CA10: variants seen among roughly 807,000 people sequenced by gnomAD.
CA10 encodes the protein carbonic anhydrase-related protein 10.
CA10 carries 14 observed loss-of-function variants against 44.2 expected under a neutral mutation model. That is an observed-to-expected ratio of 0.32 (90% confidence interval 0.21 to 0.50). The LOEUF is 0.50. CA10 is among the 20% of genes least tolerant of loss of function. The pLI, the probability that CA10 is intolerant of heterozygous loss-of-function variation, is 0.99. For synonymous variants in CA10, 159 were observed against 141.6 expected (o/e 1.12, Z -0.87); for missense variants, 350 against 409.7 (o/e 0.85, Z 1.26).
At chr17:51,706,599 A>G (rs1915770027) in intron 4 of CA10, among the ~76,000 whole-genome samples, 2 of 152,188 alleles carry the variant, frequency 1.3e-5, no homozygotes, top group South Asian at 4.1e-4. Flanking sequence ...ACAGCCAGAA[A>G]AAACCTGCTA....
intron 1 of CA10, among the ~76,000 whole-genome samples, chr17:52,148,949 T>C (rs1989646753): frequency 2.0e-5 from 3 of 152,328 alleles, no homozygotes; most frequent in South Asian, 4.1e-4. Context: ...TATATATTAC[T>C]TTATTGTTTA....
intron 2 of CA10, among the ~76,000 whole-genome samples, chr17:51,986,370 A>T (rs1236908040): frequency 6.6e-6 from 1 of 152,156 alleles, no homozygotes; most frequent in East Asian, 1.9e-4. Context: ...TGGATTAAGG[A>T]CTTAAATCTA....
At chr17:51,752,013 T>G (rs1252615768) in intron 3 of CA10, among the ~76,000 whole-genome samples, 1 of 152,118 alleles carries the variant, frequency 6.6e-6, no homozygotes, top group East Asian at 1.9e-4. Context: ...GAGACCTGAA[T>G]GGGGGCACAA....
intron 3 of CA10, among the ~76,000 whole-genome samples, chr17:51,832,884 G>C (rs1386695883): frequency 1.3e-5 from 2 of 152,176 alleles, no homozygotes; most frequent in Non-Finnish European, 2.9e-5. Flanking sequence ...CCTATCACTG[G>C]AGGTAATCAA....
chr17:51,831,667 A>ACAGC (rs1413563405), intron 3 of CA10, among the ~76,000 whole-genome samples: 29 of 127,488 alleles, frequency 2.3e-4, no homozygotes, highest in Non-Finnish European at 3.8e-4. Context: ...AGAAAAGAAA[A>ACAGC]AGCAGCAGCA....
intron 4 of CA10, among the ~76,000 whole-genome samples, chr17:51,677,382 C>T (rs913798218): frequency 6.6e-6 from 1 of 152,038 alleles, no homozygotes; most frequent in Non-Finnish European, 1.5e-5. Context: ...TACCTCCTCC[C>T]TTGTGCTCTT....
intron 4 of CA10, among the ~76,000 whole-genome samples, chr17:51,658,579 C>G (rs1913886220): frequency 6.6e-6 from 1 of 152,042 alleles, no homozygotes; most frequent in Non-Finnish European, 1.5e-5. Context: ...ATGCAAAGAG[C>G]CTGAGATAGG....
intron 3 of CA10, among the ~76,000 whole-genome samples, chr17:51,749,973 A>G (rs974964238): frequency 2.0e-5 from 3 of 152,190 alleles, no homozygotes; most frequent in African/African-American, 4.8e-5. Context: ...TTGCAACCAA[A>G]TGATCCATGC....
chr17:52,022,749 C>G (rs1309073886), intron 2 of CA10, among the ~76,000 whole-genome samples: 1 of 152,018 alleles, frequency 6.6e-6, no homozygotes, highest in Non-Finnish European at 1.5e-5. Context: ...TGATAAACAA[C>G]TTCAATAAAG....
intron 2 of CA10, among the ~76,000 whole-genome samples, chr17:51,997,425 G>A (rs1297908525): frequency 6.6e-6 from 1 of 152,018 alleles, no homozygotes; most frequent in Non-Finnish European, 1.5e-5. Flanking sequence ...GTGTAAAAAA[G>A]TAGTAGATGG....
chr17:52,096,588 G>C (rs1988407207), intron 1 of CA10, among the ~76,000 whole-genome samples: 1 of 152,126 alleles, frequency 6.6e-6, no homozygotes, highest in African/African-American at 2.4e-5. Flanking sequence ...ATTCCAAGAA[G>C]CTCAGGCAAT....
Position 51,931,146 on chromosome 17 carries a change from G to T in CA10, c.137-14C>A. On this transcript the variant is annotated splice_polypyrimidine_tract_variant and intron_variant, in intron 2 of 8. Coordinates refer to ENST00000451037, the MANE Select transcript of CA10 (RefSeq NM_020178.5). ...AGAAAGAAGGAACTAGAAACAAAAAGAAATTATAGAATTAGGCTGAGTAGC... is the reference window on the plus strand; with the variant it reads ...AGAAAGAAGGAACTAGAAACAAAAATAAATTATAGAATTAGGCTGAGTAGC... 1 of 1,612,608 alleles carries T rather than the reference G, an allele frequency of 6.2e-7. No homozygotes were observed. The highest frequency in any genetic ancestry group is 8.5e-7 in the Non-Finnish European group (1 of 1,179,224).
At chr17:51,946,949 T>C (rs1364399007) in intron 2 of CA10, among the ~76,000 whole-genome samples, 8 of 152,082 alleles carry the variant, frequency 5.3e-5, no homozygotes, top group Non-Finnish European at 7.4e-5. Flanking sequence ...TATTCTTGTT[T>C]ACTTGCTCTG....
rs188651159 is a variant in CA10, at chr17:51,885,061, C to G, written c.279+45929G>C. On this transcript the variant is annotated intron_variant, in intron 3 of 8. Coordinates refer to ENST00000451037, the MANE Select transcript of CA10 (RefSeq NM_020178.5). The stretch of plus-strand genomic sequence containing the variant: ...CAAATGAAATCACATTCACAAGTAT[C>G]AGGGATTAGGGGTTCAACATATATT... Among the ~76,000 whole-genome samples the G allele has an allele frequency of 3.3e-5, 5 of 152,308 alleles. 1 individual carries two copies. Among genetic ancestry groups the G allele is most frequent in the Admixed American group, 3.3e-4 (5 of 15,298 alleles).
chr17:51,685,798 C>A (rs547031694), intron 4 of CA10, among the ~76,000 whole-genome samples: 1 of 152,092 alleles, frequency 6.6e-6, no homozygotes, highest in Non-Finnish European at 1.5e-5. Context: ...GAAAATAACC[C>A]CAGAAAAGTC....
chr17:52,082,976 G>T (rs1988022703), intron 1 of CA10, among the ~76,000 whole-genome samples: 1 of 152,144 alleles, frequency 6.6e-6, no homozygotes, highest in East Asian at 1.9e-4. Flanking sequence ...TAAACAGATG[G>T]ATGAAACTTC....
rs111896360 is a variant in CA10 at position 52,154,115 on chromosome 17, T to G, written c.61+3611A>C. 5.0e-3 allele frequency among the ~76,000 whole-genome samples: 757 copies of G among 152,296 alleles called. 4 individuals carry two copies. Among genetic ancestry groups the G allele is most frequent in the Non-Finnish European group, 7.8e-3 (533 of 68,016 alleles). ...ATTGTAATCATCTAAAACTTTTACT[T>G]CCAAATTCTCTAAGACTTCAATTCA... On this transcript the variant is annotated intron_variant, in intron 1 of 8. Coordinates refer to ENST00000451037, the MANE Select transcript of CA10 (RefSeq NM_020178.5).
chr17:52,016,033 C>A (rs755424834), intron 2 of CA10, among the ~76,000 whole-genome samples: 1 of 151,906 alleles, frequency 6.6e-6, no homozygotes, highest in Non-Finnish European at 1.5e-5. Flanking sequence ...TTCTGCTCAC[C>A]TTGGAGTAGA....
intron 3 of CA10, among the ~76,000 whole-genome samples, chr17:51,780,287 C>T (rs1219408305): frequency 6.6e-6 from 1 of 152,124 alleles, no homozygotes; most frequent in Non-Finnish European, 1.5e-5. Context: ...TAATCTAGTT[C>T]AATCCTTTCA....
Sources: gnomAD v4.1 joint callset for allele counts (sites outside exome capture counted in the v4.1 genomes callset) on GRCh38, gnomAD v4.1.1 for gene constraint, MANE v1.5 for transcripts, NCBI Gene and HGNC (gene_info 2026-07-23, HGNC 2026-07-21) for gene names.